Variants in SETBP1 observed in about 807,000 individuals in gnomAD.
The protein encoded by SETBP1 is SET binding protein 1.
Under a neutral mutation model 101.0 loss-of-function variants are expected in SETBP1, and 9 were observed. The observed-to-expected ratio is 0.09, with a 90% CI of 0.05 to 0.16. The LOEUF is 0.16. Ranked by LOEUF, SETBP1 falls within the 10% of genes least tolerant of loss-of-function variation. The pLI is 1.00. For missense variants in SETBP1, 1,858 were observed against 2,033.8 expected (o/e 0.91, Z 1.66); for synonymous variants, 818 against 788.5 (o/e 1.04, Z -0.63).
At chr18:45,034,996 GC>G (rs138586664) in intron 4 of SETBP1, among the ~76,000 whole-genome samples, 18,418 of 150,660 alleles carry the variant, frequency 0.12, 1,760 homozygotes, top group African/African-American at 0.26. Flanking sequence ...CGTTTCAAAT[GC>G]CCCCCCCGCC....
chr18:44,701,589 G>A lies in SETBP1; in HGVS notation c.243G>A (p.Val81=), dbSNP rs762540508. ...SNSNADSEKW[V]AGDGLEEQEF... ...CCAACGCGGACAGTGAGAAATGGGT[G>A]GCAGGAGATGGTTTGGAAGAGCAGG... Residue 81 remains valine, a synonymous_variant, in exon 2 of 6, where the codon GTG becomes GTA. Transcript: ENST00000649279. 6.4e-5 allele frequency: 103 copies of A among 1,614,072 alleles called. 1 individual carries two copies. In the Middle Eastern group the frequency reaches 3.6e-3, roughly 57 times the overall value.
At chr18:44,852,590 T>A (rs1187803542) in intron 2 of SETBP1, among the ~76,000 whole-genome samples, 1 of 152,180 alleles carries the variant, frequency 6.6e-6, no homozygotes, top group Non-Finnish European at 1.5e-5. Context: ...ATAATAGGTA[T>A]AAAGCACATT....
chr18:44,915,074 A>G (rs2144901523), intron 3 of SETBP1, among the ~76,000 whole-genome samples: 2 of 152,284 alleles, frequency 1.3e-5, no homozygotes, highest in East Asian at 3.9e-4. Context: ...ATTTGAATAT[A>G]ACTGTGGAAA....
intron 2 of SETBP1, among the ~76,000 whole-genome samples, chr18:44,764,029 T>A (rs1409075163): frequency 1.3e-5 from 2 of 152,244 alleles, no homozygotes; most frequent in East Asian, 3.8e-4. Flanking sequence ...TCCGTTGTGT[T>A]TTCCACATAG....
At chr18:44,971,324 C>T (rs2071853288) in intron 4 of SETBP1, among the ~76,000 whole-genome samples, 1 of 152,152 alleles carries the variant, frequency 6.6e-6, no homozygotes, top group Non-Finnish European at 1.5e-5. Flanking sequence ...TGACTAGTGC[C>T]ACAGTAAACA....
At chr18:44,756,798 A>C (rs990434816) in intron 2 of SETBP1, among the ~76,000 whole-genome samples, 1 of 151,902 alleles carries the variant, frequency 6.6e-6, no homozygotes, top group Non-Finnish European at 1.5e-5. Context: ...CCAGGAGGAG[A>C]GCTTGCTCTC....
intron 4 of SETBP1, among the ~76,000 whole-genome samples, chr18:45,016,587 T>A (rs2072946747): frequency 6.6e-6 from 1 of 152,214 alleles, no homozygotes; most frequent in Admixed American, 6.5e-5. Context: ...TTCAGATTTA[T>A]TTGAACAAAA....
chr18:44,771,801 C>T (rs547664307), intron 2 of SETBP1, among the ~76,000 whole-genome samples: 1 of 152,234 alleles, frequency 6.6e-6, no homozygotes, highest in Admixed American at 6.5e-5. Context: ...CCTGGAGGTG[C>T]AGCAAGAACA....
intron 3 of SETBP1, among the ~76,000 whole-genome samples, chr18:44,927,044 G>A (rs2070721910): frequency 6.6e-6 from 1 of 152,188 alleles, no homozygotes; most frequent in South Asian, 2.1e-4. Flanking sequence ...ACAGGAGACT[G>A]TGGCTCAAGT....
chr18:44,990,251 A>G (rs1454083751), intron 4 of SETBP1, among the ~76,000 whole-genome samples: 10 of 152,192 alleles, frequency 6.6e-5, no homozygotes, highest in African/African-American at 2.2e-4. Context: ...GTGAGAAGGT[A>G]TAGTGAACAA....
intron 2 of SETBP1, among the ~76,000 whole-genome samples, chr18:44,725,230 T>G (rs1021163137): frequency 6.6e-6 from 1 of 152,192 alleles, no homozygotes; most frequent in Non-Finnish European, 1.5e-5. Flanking sequence ...CTTTTCAACA[T>G]CTAAATCTGG....
At chr18:44,828,954 A>G (rs893417998) in intron 2 of SETBP1, among the ~76,000 whole-genome samples, 3 of 152,200 alleles carry the variant, frequency 2.0e-5, no homozygotes, top group Non-Finnish European at 2.9e-5. Context: ...AGCCTTTAAA[A>G]CTAGGAGAAA....
intron 2 of SETBP1, among the ~76,000 whole-genome samples, chr18:44,805,679 A>T (rs2071716911): frequency 6.6e-6 from 1 of 151,660 alleles, no homozygotes; most frequent in African/African-American, 2.4e-5. Context: ...TCTGATCTAG[A>T]TCGTTATTTC....
chr18:44,755,946 T>A (rs2070482514), intron 2 of SETBP1, among the ~76,000 whole-genome samples: 1 of 152,152 alleles, frequency 6.6e-6, no homozygotes, highest in Non-Finnish European at 1.5e-5. Context: ...CCGGGCGCGG[T>A]GGCTCACACC....
intron 5 of SETBP1, among the ~76,000 whole-genome samples, chr18:45,062,272 C>T (rs2073902492): frequency 6.6e-6 from 1 of 152,196 alleles, no homozygotes; most frequent in African/African-American, 2.4e-5. Flanking sequence ...ATGAAAAGAG[C>T]TCTTTGCAAA....
chr18:44,939,157 G>A (rs2071029751), intron 3 of SETBP1, among the ~76,000 whole-genome samples: 1 of 152,070 alleles, frequency 6.6e-6, no homozygotes, highest in Non-Finnish European at 1.5e-5. Context: ...GTACACAGCT[G>A]TGTGACTCAC....
chr18:44,997,916 A>G (rs774982665), intron 4 of SETBP1, among the ~76,000 whole-genome samples: 1 of 152,234 alleles, frequency 6.6e-6, no homozygotes, highest in African/African-American at 2.4e-5. Flanking sequence ...GAAACTAATT[A>G]TGAGGTTTCC....
At chr18:44,971,889 C>T (rs2145196781) in intron 4 of SETBP1, among the ~76,000 whole-genome samples, 1 of 152,210 alleles carries the variant, frequency 6.6e-6, no homozygotes, top group East Asian at 1.9e-4. Flanking sequence ...AATTAGATCC[C>T]ATTTGTCAAT....
chr18:44,839,657 C>G (rs1241735679), intron 2 of SETBP1, among the ~76,000 whole-genome samples: 2 of 152,170 alleles, frequency 1.3e-5, no homozygotes, highest in African/African-American at 4.8e-5. Flanking sequence ...TAGGCTCTAA[C>G]AGCATAACAA....
Sources: allele counts gnomAD v4.1 joint callset (sites outside exome capture counted in the v4.1 genomes callset), GRCh38; gene constraint gnomAD v4.1.1; transcripts MANE v1.5; gene names NCBI Gene and HGNC (gene_info 2026-07-23, HGNC 2026-07-21).